CSPP1: variants seen among roughly 807,000 people sequenced by gnomAD.
The protein encoded by CSPP1 is centrosome and spindle pole-associated protein 1.
A neutral mutation model predicts 164.4 loss-of-function variants in CSPP1; 126 were observed. The observed-to-expected ratio is 0.77, with a 90% CI of 0.66 to 0.89. The LOEUF (loss-of-function observed/expected upper bound fraction) is 0.89, where lower values mean the gene tolerates loss of function less well. CSPP1 is among the 40% of genes least tolerant of loss of function. CSPP1 has a pLI of 0.00. For missense variants in CSPP1, 1,395 were observed against 1,449.8 expected (o/e 0.96, Z 0.61); for synonymous variants, 472 against 476.7 (o/e 0.99, Z 0.13).
At chr8:67,144,934 T>G (rs902348626) in intron 17 of CSPP1, among the ~76,000 whole-genome samples, 3 of 150,244 alleles carry the variant, frequency 2.0e-5, no homozygotes, top group African/African-American at 7.3e-5. Context: ...TAGCTGTGTG[T>G]GGTGGTGTGC....
At chr8:67,186,563 A>G (rs562622440) in intron 28 of CSPP1, among the ~76,000 whole-genome samples, 31 of 152,286 alleles carry the variant, frequency 2.0e-4, no homozygotes, top group African/African-American at 7.5e-4. Context: ...GAACATCTAC[A>G]AAAGTCCTAC....
chr8:67,167,850 C>T (rs560665979), intron 24 of CSPP1, among the ~76,000 whole-genome samples: 23 of 149,778 alleles, frequency 1.5e-4, no homozygotes, highest in African/African-American at 4.7e-4. Context: ...ACATCCCAGA[C>T]GATGGGTGGC....
intron 17 of CSPP1, among the ~76,000 whole-genome samples, chr8:67,144,849 A>AGG (rs1824187304): frequency 6.6e-6 from 1 of 151,964 alleles, no homozygotes; most frequent in Non-Finnish European, 1.5e-5. Context: ...CAGGTGGATC[A>AGG]CAAGGTCAAG....
chr8:67,131,379 C>T (rs1239179181), intron 15 of CSPP1, among the ~76,000 whole-genome samples: 1 of 152,036 alleles, frequency 6.6e-6, no homozygotes, highest in African/African-American at 2.4e-5. Context: ...GAAGTAGGAC[C>T]CTGTCCCAAA....
At chr8:67,126,188 A>C (rs1820021920) in intron 15 of CSPP1, among the ~76,000 whole-genome samples, 1 of 152,220 alleles carries the variant, frequency 6.6e-6, no homozygotes, top group Non-Finnish European at 1.5e-5. Context: ...CTGATAACTG[A>C]ATAAAAATCT....
intron 17 of CSPP1, among the ~76,000 whole-genome samples, chr8:67,147,881 C>T (rs1824917886): frequency 6.6e-6 from 1 of 152,028 alleles, no homozygotes; most frequent in South Asian, 2.1e-4. Context: ...GTCTTCCCTA[C>T]AGATTGATCT....
At position 67,144,649 on chromosome 8, in the gene CSPP1, G is replaced by A. The variant is rs531760969; in HGVS notation, c.1976-5134G>A. Among the ~76,000 whole-genome samples, 8 of 152,138 alleles carry A rather than the reference G, an allele frequency of 5.3e-5. No homozygotes were observed. The South Asian group carries it at 1.7e-3, about 32-fold the overall frequency. ...AGAAACAGGGTCTCACTATGTTTAT[G>A]TTGCCTAGGCTGGTCTCGAACTCCT... is the stretch of plus-strand genomic sequence containing the variant. On this transcript the variant is annotated intron_variant, in intron 17 of 30. Transcript: ENST00000678616.
chr8:67,148,498 A>T (rs961842265), intron 17 of CSPP1, among the ~76,000 whole-genome samples: 1 of 152,080 alleles, frequency 6.6e-6, no homozygotes, highest in Non-Finnish European at 1.5e-5. Flanking sequence ...ACTTATCTTC[A>T]TCTGTGAAGC....
At chr8:67,194,897 C>G (rs972319073) in intron 30 of CSPP1, among the ~76,000 whole-genome samples, 1 of 152,156 alleles carries the variant, frequency 6.6e-6, no homozygotes, top group Non-Finnish European at 1.5e-5. Flanking sequence ...CTCATGCCAA[C>G]TAGTGTTTTC....
intron 7 of CSPP1, chr8:67,099,187 A>G (rs186168188): frequency 6.6e-6 from 1 of 151,930 alleles, no homozygotes; most frequent in Non-Finnish European, 1.5e-5. Context: ...TCCCTCAATC[A>G]TATCTGATTT....
chr8:67,108,767 C>T (rs1487966950), intron 9 of CSPP1, among the ~76,000 whole-genome samples: 1 of 152,174 alleles, frequency 6.6e-6, no homozygotes, highest in African/African-American at 2.4e-5. Context: ...CTAAACTCTT[C>T]TTTGTGTCTG....
At chr8:67,099,058 A>T in intron 7 of CSPP1, among the ~76,000 whole-genome samples, 1 of 151,734 alleles carries the variant, frequency 6.6e-6, no homozygotes. Flanking sequence ...TTTTTACCTG[A>T]TCAACTAGAG....
chr8:67,102,086 G>A (rs1814241103), intron 7 of CSPP1, among the ~76,000 whole-genome samples: 1 of 152,128 alleles, frequency 6.6e-6, no homozygotes, highest in African/African-American at 2.4e-5. Context: ...TTTCCAAAAA[G>A]GTTTTTAAAG....
At chr8:67,138,416 A>G (rs532589215) in intron 17 of CSPP1, among the ~76,000 whole-genome samples, 3 of 152,336 alleles carry the variant, frequency 2.0e-5, no homozygotes, top group Admixed American at 1.3e-4. Context: ...TCTTGTATTA[A>G]TTAGGGAACA....
chr8:67,084,236 A>G (rs1253719471), intron 3 of CSPP1: 1 of 152,216 alleles, frequency 6.6e-6, no homozygotes, highest in Non-Finnish European at 1.5e-5. Context: ...AGTTAGAAGC[A>G]TGTGTAAGAG....
chr8:67,191,680 T>A (rs1234845734), intron 29 of CSPP1, among the ~76,000 whole-genome samples: 1 of 152,242 alleles, frequency 6.6e-6, no homozygotes, highest in African/African-American at 2.4e-5. Context: ...AATAGATATT[T>A]GGGTTGTTTT....
rs62513082 is a variant in CSPP1, at chr8:67,076,034, A to G, written c.100-448A>G. ...GTCTTAGTTCAAGTATCACCTGCTC[A>G]GTGAGGCCTTATAGTCCCCCAGCAT... On this transcript the variant is annotated intron_variant, in intron 2 of 30. Coordinates refer to ENST00000678616, the MANE Select transcript of CSPP1 (RefSeq NM_001382391.1). Among the ~76,000 whole-genome samples the G allele has an allele frequency of 3.4e-3, 516 of 151,906 alleles. 2 individuals carry two copies. The highest frequency in any genetic ancestry group is 5.6e-3 in the Non-Finnish European group (383 of 67,982).
intron 9 of CSPP1, among the ~76,000 whole-genome samples, chr8:67,110,054 A>G (rs1216532780): frequency 6.6e-6 from 1 of 151,866 alleles, no homozygotes; most frequent in Non-Finnish European, 1.5e-5. Context: ...AGTTCCCACC[A>G]TGAATATGCC....
chr8:67,102,961 A>G, intron 7 of CSPP1, 76 bp from the exon 8 acceptor site: 1 of 788,730 alleles, frequency 1.3e-6, no homozygotes, highest in Non-Finnish European at 2.1e-6. Context: ...GCCAACATCA[A>G]ATGTAAAAAC....
Sources: gnomAD v4.1 joint callset for allele counts (sites outside exome capture counted in the v4.1 genomes callset) on GRCh38, gnomAD v4.1.1 for gene constraint, MANE v1.5 for transcripts, NCBI Gene and HGNC (gene_info 2026-07-23, HGNC 2026-07-21) for gene names.